The following CDK18 variants were observed in gnomAD, a reference collection of about 807,000 sequenced individuals.
The protein encoded by CDK18 is cyclin dependent kinase 18, also known as cyclin-dependent kinase 18.
Under a neutral mutation model 62.0 loss-of-function variants are expected in CDK18, and 52 were observed. The observed-to-expected ratio is 0.84, with a 90% CI of 0.67 to 1.06. CDK18 has a LOEUF of 1.06. Among genes scored for constraint, CDK18 ranks in the 50% least tolerant of loss-of-function variants. The pLI is 0.00. For missense variants in CDK18, 604 were observed against 619.9 expected (o/e 0.97, Z 0.27); for synonymous variants, 237 against 247.0 (o/e 0.96, Z 0.38).
chr1:205,528,312 G>A lies in CDK18; in HGVS notation c.974+144G>A. On this transcript the variant is annotated intron_variant, in intron 10 of 15. Transcript: ENST00000429964. The surrounding 1 kb of genome is among the most constrained non-coding windows in gnomAD (Gnocchi z 4.2). ...CTTGTGACATCCTGCTGAAATGGAT[G>A]TTAAAAAATTAGGTCTGAAATATAA... The A allele has an allele frequency of 1.0e-6, 1 of 1,004,492 alleles. No individual in the cohort carries two copies. The highest frequency in any genetic ancestry group is 2.7e-5 in the Admixed American group (1 of 36,786). 62.2% of individuals were successfully genotyped at this position (1,004,492 alleles called of 1,614,324 possible). A position where few individuals can be genotyped will look rare whatever the true frequency, so the allele number is the denominator to read the frequency against.
rs1227522485 is a variant in CDK18 at position 205,531,985 on chromosome 1, A to T, written c.*607A>T. ...AGTCCCCACTCTTTCCATCAGCCCT[A>T]CCCTACCCTCATTCCCCGACACCCT... On this transcript the variant is annotated 3_prime_UTR_variant, in exon 16 of 16. Coordinates refer to ENST00000429964, the MANE Select transcript of CDK18 (RefSeq NM_212502.3). 6.4e-6 allele frequency: 1 copy of T among 155,664 alleles called. No homozygotes were observed. Among genetic ancestry groups the T allele is most frequent in the Non-Finnish European group, 1.4e-5 (1 of 70,046 alleles). 9.6% of individuals were successfully genotyped at this position (155,664 alleles called of 1,614,324 possible). A position where few individuals can be genotyped will look rare whatever the true frequency, so the allele number is the denominator to read the frequency against.
chr1:205,508,345 G>T (rs1230514620), intron 1 of CDK18, among the ~76,000 whole-genome samples: 1 of 152,226 alleles, frequency 6.6e-6, no homozygotes, highest in Non-Finnish European at 1.5e-5. Flanking sequence ...ACACACAGCT[G>T]CATGCACATG....
intron 1 of CDK18, among the ~76,000 whole-genome samples, chr1:205,510,178 C>G (rs534836532): frequency 5.3e-5 from 8 of 152,248 alleles, no homozygotes; most frequent in Admixed American, 5.2e-4. Context: ...GATTACTGCC[C>G]TCACACCTTG....
chr1:205,523,345 C>T (rs1192519941), intron 2 of CDK18, 48 bp downstream of exon 2: 5 of 1,611,562 alleles, frequency 3.1e-6, no homozygotes, highest in East Asian at 2.2e-5. Context: ...ACCAGACACT[C>T]CCCAGTCACC....
chr1:205,514,827 A>G (rs1266307502), intron 1 of CDK18, among the ~76,000 whole-genome samples: 1 of 152,172 alleles, frequency 6.6e-6, no homozygotes, highest in African/African-American at 2.4e-5. Context: ...CAGTCTAGTT[A>G]TGAGTGTGTG....
At chr1:205,519,311 C>A (rs1667994583) in intron 1 of CDK18, among the ~76,000 whole-genome samples, 1 of 151,672 alleles carries the variant, frequency 6.6e-6, no homozygotes. Flanking sequence ...CTATTCACTG[C>A]CCAGTCTGCC....
rs934227999 is a variant in CDK18, at chr1:205,531,965, C to T, written c.*587C>T. 2 of 159,644 alleles carry T rather than the reference C, an allele frequency of 1.3e-5. No individual in the cohort carries two copies. The highest frequency in any genetic ancestry group is 1.8e-4 in the East Asian group (1 of 5,464). 9.9% of individuals were successfully genotyped at this position (159,644 alleles called of 1,614,324 possible). A position where few individuals can be genotyped will look rare whatever the true frequency, so the allele number is the denominator to read the frequency against. Reference sequence around the variant, plus strand: ...ACAGCAACAGAAGGAATAGTAGTCCCCACTCTTTCCATCAGCCCTACCCTA... The same window carrying T: ...ACAGCAACAGAAGGAATAGTAGTCCTCACTCTTTCCATCAGCCCTACCCTA... On this transcript the variant is annotated 3_prime_UTR_variant, in exon 16 of 16. Transcript: ENST00000429964.
At chr1:205,521,316 ATCC>A (rs1668115958) in intron 1 of CDK18, among the ~76,000 whole-genome samples, 1 of 152,144 alleles carries the variant, frequency 6.6e-6, no homozygotes, top group South Asian at 2.1e-4. Context: ...GGTTCAAGCA[ATCC>A]TCCTGCTTCA....
chr1:205,531,619 G>C lies in CDK18; in HGVS notation c.*241G>C, dbSNP rs1668742202. Reference sequence around the variant, plus strand: ...ACCCACGTTGGGGCTGGCATAAGCTGCTTCCCTGAGAGGACATGAGGGGGG... The same window carrying C: ...ACCCACGTTGGGGCTGGCATAAGCTCCTTCCCTGAGAGGACATGAGGGGGG... On this transcript the variant is annotated 3_prime_UTR_variant, in exon 16 of 16. Coordinates refer to ENST00000429964, the MANE Select transcript of CDK18 (RefSeq NM_212502.3). 1 of 534,318 alleles carries C rather than the reference G, an allele frequency of 1.9e-6. No homozygotes were observed. Among genetic ancestry groups the C allele is most frequent in the African/African-American group, 1.9e-5 (1 of 52,080 alleles). The allele number at this position is 534,318 out of a possible 1,614,324, so 33.1% of individuals were successfully genotyped here. A position where few individuals can be genotyped will look rare whatever the true frequency, so the allele number is the denominator to read the frequency against.
At chr1:205,529,848 A>G in intron 13 of CDK18, 1 of 1,343,924 alleles carries the variant, frequency 7.4e-7, no homozygotes. Context: ...ATTAATACCT[A>G]TTTTATAAGA....
rs373641270 is a variant in CDK18 at position 205,519,609 on chromosome 1, G to A, written c.-21-3538G>A. Among the ~76,000 whole-genome samples the A allele has an allele frequency of 1.8e-4, 28 of 152,226 alleles. 1 individual carries two copies. The highest frequency in any genetic ancestry group is 6.8e-3 in the Middle Eastern group (2 of 294). ...GGGTGGAGAACAGCTGGTCCCCATC[G>A]CCTGCACTGCTTGGCCCCACATTCC... On this transcript the variant is annotated intron_variant, in intron 1 of 15. Transcript: ENST00000429964.
At position 205,531,585 on chromosome 1, in the gene CDK18, C is replaced by T. The variant is rs1668739813; in HGVS notation, c.*207C>T. The T allele has an allele frequency of 2.2e-5, 13 of 588,282 alleles. No individual in the cohort carries two copies. In the South Asian group the frequency reaches 2.6e-4, roughly 12 times the overall value. The allele number at this position is 588,282 out of a possible 1,614,324, so 36.4% of individuals were successfully genotyped here. A position where few individuals can be genotyped will look rare whatever the true frequency, so the allele number is the denominator to read the frequency against. On this transcript the variant is annotated 3_prime_UTR_variant, in exon 16 of 16. Transcript: ENST00000429964. The stretch of plus-strand genomic sequence containing the variant: ...CAGTAGCCCTCACCTGCATACCAAC[C>T]CCTCCTTTACCCACGTTGGGGCTGG...
chr1:205,526,173 C>G lies in CDK18; in HGVS notation c.565C>G (p.Arg189Gly). 1 of 1,612,908 alleles carries G rather than the reference C, an allele frequency of 6.2e-7. No homozygotes were observed. The highest frequency in any genetic ancestry group is 1.1e-5 in the South Asian group (1 of 91,000). ...HEEGAPCTAI[R>G]EVSLLKNLKH... Reference sequence around the variant, plus strand: ...GGAGGGAGCGCCCTGCACTGCCATCCGAGAGGGTACAGCATCCTAGGCTCC... The same window carrying G: ...GGAGGGAGCGCCCTGCACTGCCATCGGAGAGGGTACAGCATCCTAGGCTCC... The change falls in exon 6 of 16, where the codon CGA (arginine) becomes GGA (glycine). Residue 189 changes from arginine (R) to glycine (G), a missense_variant. Physicochemically the swap from Arg to Gly is moderately radical, Grantham distance 125. Coordinates refer to ENST00000429964, the MANE Select transcript of CDK18 (RefSeq NM_212502.3).
At chr1:205,523,024 C>A in intron 1 of CDK18, 123 bp from the exon 2 acceptor site, 1 of 1,066,742 alleles carries the variant, frequency 9.4e-7, no homozygotes, top group Non-Finnish European at 1.3e-6. Context: ...ACAACCCTGG[C>A]TCCCAGTGAT....
At position 205,531,473 on chromosome 1, in the gene CDK18, A is replaced by C; in HGVS notation, c.*95A>C. Reference sequence around the variant, plus strand: ...CTGTGTGGCCCTCGGAGGACTGAAGAACGAGGGCTGACAGCCAGCCTGGAA... The same window carrying C: ...CTGTGTGGCCCTCGGAGGACTGAAGCACGAGGGCTGACAGCCAGCCTGGAA... On this transcript the variant is annotated 3_prime_UTR_variant, in exon 16 of 16. Coordinates refer to ENST00000429964, the MANE Select transcript of CDK18 (RefSeq NM_212502.3). The C allele has an allele frequency of 1.7e-6, 2 of 1,192,594 alleles. No individual in the cohort carries two copies. The highest frequency in any genetic ancestry group is 2.5e-6 in the Non-Finnish European group (2 of 799,550). The allele number at this position is 1,192,594 out of a possible 1,614,324, so 73.9% of individuals were successfully genotyped here. A position where few individuals can be genotyped will look rare whatever the true frequency, so the allele number is the denominator to read the frequency against.
chr1:205,527,043 A>G lies in CDK18; in HGVS notation c.729+206A>G. ...CAAGAACAGACACACACTGTCTGCC[A>G]CTGTCTAGCTGTTGGTATAAAACCC... is the stretch of plus-strand genomic sequence containing the variant. On this transcript the variant is annotated intron_variant, in intron 8 of 15. Coordinates refer to ENST00000429964, the MANE Select transcript of CDK18 (RefSeq NM_212502.3). This position sits in a 1 kb window ranked among gnomAD's most constrained non-coding sequence, Gnocchi z 4.1. 2 of 585,732 alleles carry G rather than the reference A, an allele frequency of 3.4e-6. No homozygotes were observed. The highest frequency in any genetic ancestry group is 3.1e-6 in the Non-Finnish European group (1 of 325,852). 36.3% of individuals were successfully genotyped at this position (585,732 alleles called of 1,614,324 possible). A position where few individuals can be genotyped will look rare whatever the true frequency, so the allele number is the denominator to read the frequency against.
At chr1:205,510,291 G>C (rs1409065768) in intron 1 of CDK18, among the ~76,000 whole-genome samples, 1 of 152,092 alleles carries the variant, frequency 6.6e-6, no homozygotes, top group Admixed American at 6.5e-5. Flanking sequence ...GGGCTGCGGG[G>C]TGACCAGCCC....
chr1:205,527,891 G>C lies in CDK18; in HGVS notation c.827G>C (p.Arg276Thr), dbSNP rs780961848. The change falls in exon 9 of 16, where the codon AGG becomes ACG. Residue 276 changes from arginine to threonine, a missense_variant. Transcript: ENST00000429964. The surrounding 1 kb of genome is among the most constrained non-coding windows in gnomAD (Gnocchi z 4.1). ...CCCCAGAACCTGCTCATCAACGAGA[G>C]GGGGGAGCTGAAGCTGGCCGACTTT... Reference protein sequence around the residue: ...LKPQNLLINERGELKLADFGL... With the variant: ...LKPQNLLINETGELKLADFGL... 12 of 1,614,002 alleles carry C rather than the reference G, an allele frequency of 7.4e-6. No homozygotes were observed. Among genetic ancestry groups the C allele is most frequent in the Non-Finnish European group, 9.3e-6 (11 of 1,179,994 alleles).
In CDK18 at chr1:205,528,345, G is replaced by A. The variant is rs1668548510; in HGVS notation, c.974+177G>A. On this transcript the variant is annotated intron_variant, in intron 10 of 15. Transcript: ENST00000429964. This position sits in a 1 kb window ranked among gnomAD's most constrained non-coding sequence, Gnocchi z 4.2. ...ATTAGGTCTGAAATATAATAGGTTA[G>A]GGTTTCCCTGGCTTAAATAGACCCC... Among the ~76,000 whole-genome samples the A allele has an allele frequency of 6.6e-6, 1 of 152,094 alleles. No individual in the cohort carries two copies. Among genetic ancestry groups the A allele is most frequent in the Non-Finnish European group, 1.5e-5 (1 of 68,002 alleles).
Sources: allele counts gnomAD v4.1 joint callset (sites outside exome capture counted in the v4.1 genomes callset), GRCh38; gene constraint gnomAD v4.1.1; non-coding constraint Gnocchi (gnomAD v3.1); transcripts MANE v1.5; gene names NCBI Gene and HGNC (gene_info 2026-07-23, HGNC 2026-07-21).